Variants in CHCHD3 observed in about 807,000 individuals in gnomAD.
The protein encoded by CHCHD3 is MICOS complex subunit MIC19.
CHCHD3 carries 20 observed loss-of-function variants against 38.2 expected under a neutral mutation model. The observed-to-expected ratio is 0.52, with a 90% CI of 0.37 to 0.76. The LOEUF (loss-of-function observed/expected upper bound fraction) is 0.76. Among genes scored for constraint, CHCHD3 ranks in the 30% least tolerant of loss-of-function variants. CHCHD3 has a pLI of 0.00. For missense variants in CHCHD3, 245 were observed against 279.2 expected (o/e 0.88, Z 0.87); for synonymous variants, 82 against 100.0 (o/e 0.82, Z 1.07).
At chr7:133,006,190 G>A (rs929749620) in intron 3 of CHCHD3, among the ~76,000 whole-genome samples, 14 of 152,138 alleles carry the variant, frequency 9.2e-5, no homozygotes, top group Admixed American at 8.5e-4. Context: ...AATAGGCCGG[G>A]CGCAGTGGCT....
At chr7:132,882,138 G>C (rs1259445331) in intron 5 of CHCHD3, among the ~76,000 whole-genome samples, 2 of 151,866 alleles carry the variant, frequency 1.3e-5, no homozygotes, top group African/African-American at 2.4e-5. Flanking sequence ...AGCTTTCAAG[G>C]GGCTTTTACA....
At chr7:132,799,444 T>C (rs983575608) in intron 6 of CHCHD3, among the ~76,000 whole-genome samples, 1 of 152,134 alleles carries the variant, frequency 6.6e-6, no homozygotes, top group Non-Finnish European at 1.5e-5. Context: ...TTCCTGCTGA[T>C]GGAAAAAGCC....
intron 5 of CHCHD3, among the ~76,000 whole-genome samples, chr7:132,864,097 G>A (rs1463257379): frequency 6.6e-6 from 1 of 152,174 alleles, no homozygotes. Context: ...ATTGTTTGGT[G>A]CAAACGGCAC....
intron 2 of CHCHD3, among the ~76,000 whole-genome samples, chr7:133,038,539 T>G (rs1041799118): frequency 2.0e-5 from 3 of 152,196 alleles, no homozygotes; most frequent in African/African-American, 7.2e-5. Context: ...GCATTTAATT[T>G]TGTCTTCCAT....
At chr7:133,065,779 T>C (rs1442859116) in intron 2 of CHCHD3, among the ~76,000 whole-genome samples, 1 of 152,232 alleles carries the variant, frequency 6.6e-6, no homozygotes, top group Non-Finnish European at 1.5e-5. Flanking sequence ...TTTATAAGCC[T>C]ATTTTTTTAA....
At chr7:133,041,605 T>C (rs1310455473) in intron 2 of CHCHD3, among the ~76,000 whole-genome samples, 2 of 152,256 alleles carry the variant, frequency 1.3e-5, no homozygotes, top group African/African-American at 2.4e-5. Context: ...TTCTGCATAA[T>C]AGCAGCAAGG....
chr7:133,043,193 A>C (rs1175376661), intron 2 of CHCHD3, among the ~76,000 whole-genome samples: 1 of 152,200 alleles, frequency 6.6e-6, no homozygotes, highest in Non-Finnish European at 1.5e-5. Flanking sequence ...TATTGTAATA[A>C]TCTTTTTATA....
At chr7:133,037,876 A>G (rs1461222276) in intron 2 of CHCHD3, among the ~76,000 whole-genome samples, 1 of 152,176 alleles carries the variant, frequency 6.6e-6, no homozygotes, top group Non-Finnish European at 1.5e-5. Context: ...TTACCTTTAT[A>G]TTTGGGAGAA....
At chr7:133,066,198 G>C (rs1814664330) in intron 2 of CHCHD3, among the ~76,000 whole-genome samples, 1 of 151,876 alleles carries the variant, frequency 6.6e-6, no homozygotes, top group African/African-American at 2.4e-5. Context: ...CATGTGACTA[G>C]TGGCTACCAT....
At chr7:132,821,747 CTTTTTTTTTT>C (rs71178063) in intron 6 of CHCHD3, among the ~76,000 whole-genome samples, 29,107 of 100,246 alleles carry the variant, frequency 0.29, 3,281 homozygotes, top group East Asian at 0.46. Context: ...GCACTCAAAT[CTTTTTTTTTT>C]TTTTTTTTTT....
intron 4 of CHCHD3, among the ~76,000 whole-genome samples, chr7:132,974,691 T>C (rs1048369684): frequency 6.6e-5 from 10 of 152,042 alleles, no homozygotes; most frequent in East Asian, 3.9e-4. Flanking sequence ...CTGGCCAAGA[T>C]AGTGAAACCC....
chr7:132,841,372 GACACT>G (rs1247982632), intron 5 of CHCHD3, among the ~76,000 whole-genome samples: 2 of 137,068 alleles, frequency 1.5e-5, no homozygotes, highest in African/African-American at 5.4e-5. Flanking sequence ...GGCCTCAGAA[GACACT>G]TTTACAAATG....
chr7:132,870,539 A>G (rs1271920961), intron 5 of CHCHD3, among the ~76,000 whole-genome samples: 1 of 152,146 alleles, frequency 6.6e-6, no homozygotes, highest in Non-Finnish European at 1.5e-5. Flanking sequence ...TGTATAAATT[A>G]ACACATAATA....
At chr7:132,808,948 T>C (rs1291526644) in intron 6 of CHCHD3, among the ~76,000 whole-genome samples, 1 of 142,390 alleles carries the variant, frequency 7.0e-6, no homozygotes, top group Non-Finnish European at 1.5e-5. Flanking sequence ...AAAACCTTTT[T>C]TTAAATTATT....
chr7:132,882,378 C>T (rs1236908461), intron 5 of CHCHD3, among the ~76,000 whole-genome samples: 1 of 151,900 alleles, frequency 6.6e-6, no homozygotes, highest in African/African-American at 2.4e-5. Context: ...GCTTTCTAAG[C>T]TCACTGGTGC....
At chr7:133,034,826 G>A (rs747346672) in intron 2 of CHCHD3, 1 of 1,611,334 alleles carries the variant, frequency 6.2e-7, no homozygotes, top group East Asian at 2.2e-5. Context: ...TGCTATTGTT[G>A]GTTCCAAAAA....
chr7:133,057,133 AGTTACACCTATTGAG>A (rs1382882472), intron 2 of CHCHD3, among the ~76,000 whole-genome samples: 1 of 152,240 alleles, frequency 6.6e-6, no homozygotes, highest in Non-Finnish European at 1.5e-5. Context: ...GGCTGGTTCA[AGTTACACCTATTGAG>A]GCACATCACA....
At chr7:132,807,794 T>G (rs1041199248) in intron 6 of CHCHD3, among the ~76,000 whole-genome samples, 1 of 150,518 alleles carries the variant, frequency 6.6e-6, no homozygotes, top group Non-Finnish European at 1.5e-5. Flanking sequence ...GAGATTGACT[T>G]TTGCATATAA....
At chr7:132,870,341 C>CCTAT (rs151039566) in intron 5 of CHCHD3, among the ~76,000 whole-genome samples, 4,058 of 129,702 alleles carry the variant, frequency 0.031, 388 homozygotes, top group East Asian at 0.21. Context: ...CACTGCGAGA[C>CCTAT]CTATCTCACC....
Sources: gnomAD v4.1 joint callset for allele counts (sites outside exome capture counted in the v4.1 genomes callset) on GRCh38, gnomAD v4.1.1 for gene constraint, MANE v1.5 for transcripts, NCBI Gene and HGNC (gene_info 2026-07-23, HGNC 2026-07-21) for gene names.